TBC1D12: variants seen among roughly 807,000 people sequenced by gnomAD.
The protein encoded by TBC1D12 is TBC1 domain family, member 12.
Under a neutral mutation model 86.7 loss-of-function variants are expected in TBC1D12, and 56 were observed. The ratio of observed to expected loss-of-function variants is 0.65; its 90% confidence interval spans 0.52 to 0.81. The LOEUF (loss-of-function observed/expected upper bound fraction) is 0.81. Ranked by LOEUF, TBC1D12 falls within the 30% of genes least tolerant of loss-of-function variation. The probability of loss-of-function intolerance (pLI) is 0.00; values close to 1 mark genes in which losing one functional copy is unlikely to be tolerated. For missense variants in TBC1D12, 1,023 were observed against 1,038.8 expected (o/e 0.98, Z 0.21); for synonymous variants, 421 against 411.7 (o/e 1.02, Z -0.27).
At chr10:94,511,012 C>G (rs1426022154) in intron 8 of TBC1D12, among the ~76,000 whole-genome samples, 3 of 150,816 alleles carry the variant, frequency 2.0e-5, no homozygotes, top group Admixed American at 2.0e-4. Flanking sequence ...GATTTTAAAA[C>G]TGTTGACAAA....
chr10:94,407,513 C>T (rs1444171786), intron 1 of TBC1D12, among the ~76,000 whole-genome samples: 1 of 152,174 alleles, frequency 6.6e-6, no homozygotes, highest in African/African-American at 2.4e-5. Context: ...GAAACCCTGT[C>T]TCTACTACAA....
At chr10:94,424,627 A>G (rs1005297669) in intron 1 of TBC1D12, among the ~76,000 whole-genome samples, 14 of 152,202 alleles carry the variant, frequency 9.2e-5, no homozygotes, top group Middle Eastern at 3.2e-3. Context: ...ATTCTTTGAA[A>G]ATAAAGAATA....
chr10:94,447,753 T>C (rs1160904245), intron 2 of TBC1D12: 2 of 924,486 alleles, frequency 2.2e-6, no homozygotes, highest in African/African-American at 3.6e-5. Context: ...AGTTTTTTGT[T>C]TTTTTTTCTA....
At chr10:94,456,357 A>G (rs1338925264) in intron 2 of TBC1D12, among the ~76,000 whole-genome samples, 1 of 152,154 alleles carries the variant, frequency 6.6e-6, no homozygotes, top group South Asian at 2.1e-4. Context: ...ACAAATTTTC[A>G]TAAGTTGTAT....
At chr10:94,453,647 T>C (rs1020863993) in intron 2 of TBC1D12, among the ~76,000 whole-genome samples, 12 of 152,228 alleles carry the variant, frequency 7.9e-5, no homozygotes, top group African/African-American at 2.7e-4. Flanking sequence ...CTTTTTATTT[T>C]TTTGTAGATC....
Position 94,533,075 on chromosome 10 carries a change from T to C in TBC1D12, c.2307T>C (p.Ser769=), listed in dbSNP as rs1842470522. The change falls in exon 13 of 13, where the codon AGT becomes AGC. Residue 769 remains serine, a synonymous_variant. Transcript: ENST00000225235. The part of the protein sequence containing the change: ...MKDIKEGDKN[S]SPALKS ...ATATTAAAGAAGGAGACAAGAACAG[T>C]AGTCCTGCTTTGAAAAGCTAGTCTT... The C allele has an allele frequency of 1.3e-6, 2 of 1,594,600 alleles. No homozygotes were observed. Among genetic ancestry groups the C allele is most frequent in the East Asian group, 2.3e-5 (1 of 44,326 alleles).
At chr10:94,437,912 A>G (rs1392828691) in intron 1 of TBC1D12, among the ~76,000 whole-genome samples, 1 of 140,538 alleles carries the variant, frequency 7.1e-6, no homozygotes, top group African/African-American at 2.7e-5. Flanking sequence ...CATTTTGTTC[A>G]TACATTTTCC....
chr10:94,474,574 C>A, intron 2 of TBC1D12, 94 bp from the exon 3 acceptor site: 1 of 879,040 alleles, frequency 1.1e-6, no homozygotes. Flanking sequence ...GTATGTATCC[C>A]TCATTATAGC....
At position 94,427,833 on chromosome 10, in the gene TBC1D12, CAAAAAAA is replaced by C. The variant is rs71031576; in HGVS notation, c.972-14045_972-14039del. ...GGTGACAAAGTGAGACCCTGTCTCACAAAAAAAAAAAAAAAAAAAAAAAAGGAAAGAA... is the reference window on the plus strand; with the variant it reads ...GGTGACAAAGTGAGACCCTGTCTCACAAAAAAAAAAAAAAAAAGGAAAGAA... On this transcript the variant is annotated intron_variant, in intron 1 of 12. Coordinates refer to ENST00000225235, the MANE Select transcript of TBC1D12 (RefSeq NM_015188.2). Among the ~76,000 whole-genome samples, 12 of 67,026 alleles carry C rather than the reference CAAAAAAA, an allele frequency of 1.8e-4. No individual in the cohort carries two copies. The South Asian group carries it at 3.3e-3, about 18-fold the overall frequency. The allele number at this position is 67,026 out of a possible 152,430, so 44.0% of individuals were successfully genotyped here.
intron 1 of TBC1D12, among the ~76,000 whole-genome samples, chr10:94,419,025 C>A (rs1374509947): frequency 6.6e-6 from 1 of 152,062 alleles, no homozygotes; most frequent in African/African-American, 2.4e-5. Flanking sequence ...CAGGTGCACG[C>A]CACCACGCCC....
intron 1 of TBC1D12, among the ~76,000 whole-genome samples, chr10:94,408,989 A>G (rs1181440934): frequency 1.3e-5 from 2 of 152,206 alleles, no homozygotes; most frequent in African/African-American, 4.8e-5. Flanking sequence ...AATAATACGT[A>G]ATTAATTGCT....
chr10:94,479,552 C>T (rs2056046267), intron 3 of TBC1D12, among the ~76,000 whole-genome samples: 1 of 151,984 alleles, frequency 6.6e-6, no homozygotes, highest in African/African-American at 2.4e-5. Context: ...ATAAGAGAGA[C>T]TTAAGGCTAG....
At chr10:94,466,611 T>C (rs1038679093) in intron 2 of TBC1D12, among the ~76,000 whole-genome samples, 1 of 152,202 alleles carries the variant, frequency 6.6e-6, no homozygotes, top group African/African-American at 2.4e-5. Context: ...GGAATAACTT[T>C]AGATTTACAG....
intron 6 of TBC1D12, among the ~76,000 whole-genome samples, chr10:94,501,978 A>G (rs1378052581): frequency 2.0e-5 from 3 of 151,826 alleles, no homozygotes; most frequent in Admixed American, 1.3e-4. Flanking sequence ...ACAGTGAGCT[A>G]TGATTGTGCC....
intron 2 of TBC1D12, among the ~76,000 whole-genome samples, chr10:94,453,650 TG>T (rs1294352210): frequency 2.1e-4 from 32 of 152,306 alleles, no homozygotes; most frequent in African/African-American, 7.0e-4. Context: ...TTTATTTTTT[TG>T]TAGATCATGC....
chr10:94,439,670 C>T (rs1564947006), intron 1 of TBC1D12, among the ~76,000 whole-genome samples: 1 of 152,080 alleles, frequency 6.6e-6, no homozygotes, highest in Non-Finnish European at 1.5e-5. Context: ...CTTCAGTGTC[C>T]CTTTGGTGCC....
In TBC1D12 at chr10:94,535,165, A is replaced by G. The variant is rs963242432; in HGVS notation, c.*2069A>G. ...TGCATTGGCTTTCGGAACTGCTACT[A>G]GAGACATACATGAGGCAGCGAACAC... On this transcript the variant is annotated 3_prime_UTR_variant, in exon 13 of 13. Transcript: ENST00000225235. The G allele has an allele frequency of 6.6e-6, 1 of 152,174 alleles. No homozygotes were observed. Among genetic ancestry groups the G allele is most frequent in the Non-Finnish European group, 1.5e-5 (1 of 68,030 alleles). The allele number at this position is 152,174 out of a possible 1,614,324, so 9.4% of individuals were successfully genotyped here.
At chr10:94,436,228 T>C (rs2055294690) in intron 1 of TBC1D12, among the ~76,000 whole-genome samples, 1 of 151,866 alleles carries the variant, frequency 6.6e-6, no homozygotes, top group African/African-American at 2.4e-5. Flanking sequence ...CTCCGCCTCC[T>C]GGGTTCAGTT....
At chr10:94,450,702 A>T (rs1564952441) in intron 2 of TBC1D12, among the ~76,000 whole-genome samples, 1 of 152,150 alleles carries the variant, frequency 6.6e-6, no homozygotes, top group Non-Finnish European at 1.5e-5. Context: ...TCAAGGAGAC[A>T]TATGCAACCC....
Sources: allele counts gnomAD v4.1 joint callset (sites outside exome capture counted in the v4.1 genomes callset), GRCh38; gene constraint gnomAD v4.1.1; transcripts MANE v1.5; gene names NCBI Gene and HGNC (gene_info 2026-07-23, HGNC 2026-07-21).